The following PRR12 variants were observed in gnomAD, a reference collection of about 807,000 sequenced individuals.
PRR12 encodes proline-rich protein 12.
PRR12 carries 12 observed loss-of-function variants against 138.0 expected under a neutral mutation model. The ratio of observed to expected loss-of-function variants is 0.09; its 90% CI spans 0.06 to 0.14. The LOEUF (loss-of-function observed/expected upper bound fraction) is 0.14, where lower values mean the gene tolerates loss of function less well. Among genes scored for constraint, PRR12 ranks in the 10% least tolerant of loss-of-function variants. The pLI, the probability that PRR12 is intolerant of heterozygous loss-of-function variation, is 1.00. For missense variants in PRR12, 2,692 were observed against 2,861.3 expected (o/e 0.94, Z 1.35); for synonymous variants, 1,567 against 1,291.7 (o/e 1.21, Z -4.57).
chr19:49,614,983 C>G lies in PRR12; in HGVS notation c.4998C>G (p.Pro1666=). 2 of 1,614,006 alleles carry G rather than the reference C, an allele frequency of 1.2e-6. No homozygotes were observed. The highest frequency in any genetic ancestry group is 1.7e-6 in the Non-Finnish European group (2 of 1,179,880). Residue 1666 remains proline, a synonymous_variant, in exon 8 of 14, where the codon CCC becomes CCG. Transcript: ENST00000418929. The surrounding 1 kb of genome is among the most constrained non-coding windows in gnomAD (Gnocchi z 5.0). ...KDYVRVCARK[P]WHRPPVPVRR... ...ACGTGAGGGTCTGTGCTCGGAAACC[C>G]TGGCATCGGCCCCCAGTGCCAGTCA... is the stretch of plus-strand genomic sequence containing the variant.
At position 49,595,768 on chromosome 19, in the gene PRR12, G is replaced by C. The variant is rs753748102; in HGVS notation, c.1433G>C (p.Gly478Ala). 2 of 1,597,660 alleles carry C rather than the reference G, an allele frequency of 1.3e-6. No individual in the cohort carries two copies. The highest frequency in any genetic ancestry group is 1.1e-5 in the South Asian group (1 of 89,698). ...AGCAAAGCCCCCAGCTACTCAGGGG[G>C]CCCCCCACAGCCCCCCAGCGGCCCC... ...DLSKAPSYSG[G>A]PPQPPSGPPP... The change falls in exon 4 of 14, where the codon GGC becomes GCC. Residue 478 changes from glycine to alanine, a missense_variant. By Grantham distance (60) the Gly-to-Ala change is moderately conservative (BLOSUM62 0). Transcript: ENST00000418929.
At chr19:49,612,463 A>T (rs2080871802) in intron 6 of PRR12, among the ~76,000 whole-genome samples, 1 of 151,948 alleles carries the variant, frequency 6.6e-6, no homozygotes, top group Non-Finnish European at 1.5e-5. Context: ...AGGCCTGATG[A>T]CTGGGTGTGG....
chr19:49,604,345 A>C (rs186818617), intron 6 of PRR12, among the ~76,000 whole-genome samples: 171 of 151,368 alleles, frequency 1.1e-3, no homozygotes, highest in African/African-American at 3.9e-3. Context: ...TACCAAAAAC[A>C]AGGGAGCGAG....
rs1340810052 is a variant in PRR12 at position 49,591,599 on chromosome 19, GCCCC to G, written c.-54_-51del. The G allele has an allele frequency of 7.2e-6, 3 of 416,874 alleles. No homozygotes were observed. The highest frequency in any genetic ancestry group is 1.3e-5 in the Non-Finnish European group (3 of 224,450). 25.8% of individuals were successfully genotyped at this position (416,874 alleles called of 1,614,324 possible). On this transcript the variant is annotated 5_prime_UTR_variant, in exon 1 of 14. Transcript: ENST00000418929. ...CGGCGGCGGAGGAGAGCGCGCGCGCGCCCCCTCCCTCCCTCCCTCCCTCCCCCTC... is the reference window on the plus strand; with the variant it reads ...CGGCGGCGGAGGAGAGCGCGCGCGCGCTCCCTCCCTCCCTCCCTCCCCCTC...
rs772117048 is a variant in PRR12 at position 49,615,884 on chromosome 19, C to A, written c.5162C>A (p.Thr1721Lys). The A allele has an allele frequency of 5.1e-6, 8 of 1,582,144 alleles. No homozygotes were observed. Among genetic ancestry groups the A allele is most frequent in the Non-Finnish European group, 6.0e-6 (7 of 1,164,610 alleles). Residue 1721 changes from threonine (T) to lysine (K), a missense_variant, in exon 9 of 14, where the codon ACG (threonine) becomes AAG (lysine). Thr to Lys is a moderately conservative substitution (Grantham distance 78, BLOSUM62 -1). Around this residue, in one of 11 missense-constraint regions of PRR12, gnomAD observed 259 missense variants for 265.1 expected, o/e 0.98. Transcript: ENST00000418929. The stretch of plus-strand genomic sequence containing the variant: ...AAGCCCCCAGAGCAGACTCCTGAGA[C>A]GGCCATGCCTGAGCCCCCTGCCCCC... ...SEKPPEQTPETAMPEPPAPEK... is the reference protein window; with the variant it reads ...SEKPPEQTPEKAMPEPPAPEK...
chr19:49,606,648 T>TC (rs1170383151), intron 6 of PRR12, among the ~76,000 whole-genome samples: 2 of 144,852 alleles, frequency 1.4e-5, no homozygotes, highest in African/African-American at 5.1e-5. Context: ...CATCTCTCTT[T>TC]TTTTTTTTTT....
chr19:49,624,170 G>C (rs1316914876), intron 11 of PRR12, among the ~76,000 whole-genome samples: 1 of 151,262 alleles, frequency 6.6e-6, no homozygotes, highest in African/African-American at 2.4e-5. Flanking sequence ...AGGTGGTTAC[G>C]ATGGGGCTGA....
chr19:49,591,738 T>C lies in PRR12; in HGVS notation c.84T>C (p.Ala28=). Residue 28 remains alanine (A), a splice_region_variant and synonymous_variant, in exon 1 of 14, where the codon GCT becomes GCC. Transcript: ENST00000418929. ...GGAGTTACGAGAGGTCAGCGAAAGC[T>C]AGGTAAGGAGCTGAGGGTGGCCTAG... ...AGWSYERSAK[A]SLVYGSSRTS... The C allele has an allele frequency of 6.7e-7, 1 of 1,488,748 alleles. No homozygotes were observed. Among genetic ancestry groups the C allele is most frequent in the Non-Finnish European group, 9.0e-7 (1 of 1,116,614 alleles). The allele number at this position is 1,488,748 out of a possible 1,614,324, so 92.2% of individuals were successfully genotyped here.
At position 49,599,828 on chromosome 19, in the gene PRR12, G is replaced by A; in HGVS notation, c.4235G>A (p.Gly1412Glu). The change falls in exon 5 of 14, where the codon GGG becomes GAG. Residue 1412 changes from glycine (G) to glutamate (E), a missense_variant. Physicochemically the swap from Gly to Glu is moderately conservative, Grantham distance 98. Coordinates refer to ENST00000418929, the MANE Select transcript of PRR12 (RefSeq NM_020719.3). The surrounding 1 kb of genome is among the most constrained non-coding windows in gnomAD (Gnocchi z 5.0). ...GCCCTCGATGACCCACCCCTTGCTGGGCCAAAAGACACTTCCACCCCAGAT... is the reference window on the plus strand; with the variant it reads ...GCCCTCGATGACCCACCCCTTGCTGAGCCAAAAGACACTTCCACCCCAGAT... ...ISALDDPPLA[G>E]PKDTSTPDGP... 1 of 1,613,402 alleles carries A rather than the reference G, an allele frequency of 6.2e-7. No homozygotes were observed. Among genetic ancestry groups the A allele is most frequent in the Non-Finnish European group, 8.5e-7 (1 of 1,179,872 alleles).
At chr19:49,624,187 T>C (rs752422677) in intron 11 of PRR12, among the ~76,000 whole-genome samples, 31 of 145,864 alleles carry the variant, frequency 2.1e-4, no homozygotes, top group Admixed American at 7.0e-4. Context: ...CTGAGAATTC[T>C]GGGATAGGAT....
chr19:49,595,109 C>G lies in PRR12; in HGVS notation c.774C>G (p.Ala258=). 1 of 1,612,138 alleles carries G rather than the reference C, an allele frequency of 6.2e-7. No homozygotes were observed. Among genetic ancestry groups the G allele is most frequent in the Non-Finnish European group, 8.5e-7 (1 of 1,179,702 alleles). The change falls in exon 4 of 14, where the codon GCC becomes GCG. Residue 258 remains alanine, a synonymous_variant. Transcript: ENST00000418929. ...LASSSAAAAA[A]EQSSPQLYNF... ...CCTCTTCCGCTGCCGCCGCCGCTGC[C>G]GAGCAGTCCTCCCCACAGCTCTATA...
At chr19:49,602,002 C>T (rs1224295473) in intron 6 of PRR12, 84 bp downstream of exon 6, 5 of 1,491,402 alleles carry the variant, frequency 3.4e-6, no homozygotes, top group Non-Finnish European at 4.5e-6. Context: ...CAGGCTTGTG[C>T]TGAGACCTGC....
chr19:49,613,121 G>GA (rs1204965579), intron 6 of PRR12, among the ~76,000 whole-genome samples: 1 of 151,816 alleles, frequency 6.6e-6, no homozygotes, highest in East Asian at 2.0e-4. Context: ...TGGATCACCT[G>GA]AGGTCAGGAG....
chr19:49,593,192 C>A (rs1271062411), intron 1 of PRR12, 135 bp from the exon 2 acceptor site: 5 of 596,894 alleles, frequency 8.4e-6, no homozygotes, highest in African/African-American at 1.9e-5. Context: ...CCCTTTAGGG[C>A]CTACGGTTCC....
intron 6 of PRR12, among the ~76,000 whole-genome samples, chr19:49,603,087 G>A (rs898586814): frequency 6.6e-6 from 1 of 152,236 alleles, no homozygotes; most frequent in Non-Finnish European, 1.5e-5. Flanking sequence ...TAGTTAGCTG[G>A]CCCTCAATGG....
Position 49,597,046 on chromosome 19 carries a change from C to G in PRR12, c.2711C>G (p.Ser904Trp). 1.3e-6 allele frequency: 2 copies of G among 1,554,848 alleles called. No homozygotes were observed. The highest frequency in any genetic ancestry group is 1.7e-6 in the Non-Finnish European group (2 of 1,150,502). The change falls in exon 4 of 14, where the codon TCG becomes TGG. Residue 904 changes from serine to tryptophan, a missense_variant. Around this residue, in one of 11 missense-constraint regions of PRR12, gnomAD observed 840 missense variants for 689.8 expected, o/e 1.22. Coordinates refer to ENST00000418929, the MANE Select transcript of PRR12 (RefSeq NM_020719.3). This position sits in a 1 kb window ranked among gnomAD's most constrained non-coding sequence, Gnocchi z 6.3. ...PGDTGVGPPN[S>W]EGKDPAGAYR... ...GATACTGGCGTAGGCCCACCAAACT[C>G]GGAGGGCAAGGATCCCGCAGGCGCC... is the stretch of plus-strand genomic sequence containing the variant.
chr19:49,597,329 G>C lies in PRR12; in HGVS notation c.2994G>C (p.Ala998=). Residue 998 remains alanine, a synonymous_variant, in exon 4 of 14, where the codon GCG becomes GCC. Transcript: ENST00000418929. The surrounding 1 kb of genome is among the most constrained non-coding windows in gnomAD (Gnocchi z 6.3). ...ATGGGCCCTACTGTCCTGGCCGGGC[G>C]TCGGGAGCCGGGCCCGAGACACCGG... ...DPYGPYCPGR[A]SGAGPETPGL... The C allele has an allele frequency of 6.5e-7, 1 of 1,544,604 alleles. No homozygotes were observed.
At position 49,596,874 on chromosome 19, in the gene PRR12, C is replaced by G. The variant is rs563682131; in HGVS notation, c.2539C>G (p.Pro847Ala). The stretch of plus-strand genomic sequence containing the variant: ...GCCACCCCCGCCTCCACCACCCATG[C>G]CCCTGCAGCTCGAGGCCCACCTCCG... ...PPPPPPPPPM[P>A]LQLEAHLRSH... The change falls in exon 4 of 14, where the codon CCC becomes GCC. Residue 847 changes from proline (P) to alanine (A), a missense_variant. Around this residue, in one of 11 missense-constraint regions of PRR12, gnomAD observed 840 missense variants for 689.8 expected, o/e 1.22. Transcript: ENST00000418929. The surrounding 1 kb of genome is among the most constrained non-coding windows in gnomAD (Gnocchi z 5.6). 1 of 1,540,086 alleles carries G rather than the reference C, an allele frequency of 6.5e-7. No individual in the cohort carries two copies. The highest frequency in any genetic ancestry group is 2.3e-5 in the East Asian group (1 of 42,628).
chr19:49,605,247 C>T (rs377575599), intron 6 of PRR12, among the ~76,000 whole-genome samples: 2 of 152,002 alleles, frequency 1.3e-5, no homozygotes, highest in East Asian at 1.9e-4. Flanking sequence ...CCCTGCTGGC[C>T]CTAGGAATCC....
Sources: allele counts gnomAD v4.1 joint callset (sites outside exome capture counted in the v4.1 genomes callset), GRCh38; gene constraint gnomAD v4.1.1; regional missense constraint gnomAD v4.1.1; non-coding constraint Gnocchi (gnomAD v3.1); transcripts MANE v1.5; gene names NCBI Gene and HGNC (gene_info 2026-07-23, HGNC 2026-07-21).